Variants in CATSPERE observed in about 807,000 individuals in gnomAD.
CATSPERE encodes cation channel sperm-associated auxiliary subunit epsilon.
In CATSPERE, 93 loss-of-function variants were observed where a neutral mutation model predicts 114.1. The observed-to-expected ratio is 0.81, with a 90% CI of 0.69 to 0.97. CATSPERE has a LOEUF of 0.97. Ranked by LOEUF, CATSPERE falls within the 50% of genes least tolerant of loss-of-function variation. CATSPERE has a pLI of 0.00. For missense variants in CATSPERE, 1,058 were observed against 1,131.6 expected (o/e 0.93, Z 0.93); for synonymous variants, 341 against 384.1 (o/e 0.89, Z 1.31).
At chr1:244,463,716 C>A (rs1256015747) in intron 1 of CATSPERE, among the ~76,000 whole-genome samples, 192 bp from the exon 2 acceptor site, 1 of 151,572 alleles carries the variant, frequency 6.6e-6, no homozygotes, top group Non-Finnish European at 1.5e-5. Context: ...CTGAGCAAAC[C>A]CTAACACATC....
rs186385804 is a variant in CATSPERE at position 244,583,875 on chromosome 1, C to T, written c.2021C>T (p.Thr674Met). 1.6e-5 allele frequency: 26 copies of T among 1,613,582 alleles called. No homozygotes were observed. Among genetic ancestry groups the T allele is most frequent in the Middle Eastern group, 3.3e-4 (2 of 6,058 alleles). ...SDYFETQDKH[T>M]GLVLVQFRPS... ...ATTGTTTCTCCTAGAGACAAGCACACGGGTCTTGTGCTGGTTCAGTTTCGA... is the reference window on the plus strand; with the variant it reads ...ATTGTTTCTCCTAGAGACAAGCACATGGGTCTTGTGCTGGTTCAGTTTCGA... The change falls in exon 13 of 22, where the codon ACG becomes ATG. Residue 674 changes from threonine (T) to methionine (M), a missense_variant. Transcript: ENST00000366534.
At chr1:244,476,072 C>T (rs989747773) in intron 2 of CATSPERE, among the ~76,000 whole-genome samples, 1 of 152,208 alleles carries the variant, frequency 6.6e-6, no homozygotes, top group Admixed American at 6.5e-5. Flanking sequence ...TTGGTTACAA[C>T]TTTCCTTGTA....
At position 244,482,579 on chromosome 1, in the gene CATSPERE, A is replaced by G. The variant is rs185986721; in HGVS notation, c.326+2795A>G. 2.3e-3 allele frequency among the ~76,000 whole-genome samples: 344 copies of G among 152,234 alleles called. 1 individual carries two copies. The highest frequency in any genetic ancestry group is 8.0e-3 in the African/African-American group (334 of 41,538). ...ATTGCGCCACTGCACTCCAGCCTCC[A>G]TGACAGAGTGAGACCCCATCTCTAG... On this transcript the variant is annotated intron_variant, in intron 5 of 21. Coordinates refer to ENST00000366534, the MANE Select transcript of CATSPERE (RefSeq NM_001130957.2).
intron 8 of CATSPERE, among the ~76,000 whole-genome samples, chr1:244,527,356 G>T (rs184897717): frequency 1.3e-5 from 2 of 152,148 alleles, no homozygotes; most frequent in East Asian, 3.8e-4. Context: ...AGAATTCAGC[G>T]ATATTTCTCC....
chr1:244,634,239 T>C (rs1042989190), intron 20 of CATSPERE, among the ~76,000 whole-genome samples: 8 of 152,214 alleles, frequency 5.3e-5, no homozygotes, highest in African/African-American at 1.9e-4. Flanking sequence ...GTTGATATAA[T>C]GGTAGAGTCT....
chr1:244,631,592 C>T (rs560285881), intron 20 of CATSPERE, among the ~76,000 whole-genome samples: 122 of 152,076 alleles, frequency 8.0e-4, no homozygotes, highest in Non-Finnish European at 1.2e-3. Flanking sequence ...ATACAAAGAA[C>T]GCTTACAACT....
At position 244,510,835 on chromosome 1, in the gene CATSPERE, C is replaced by CTTTTTTTTTTTTTTTTTTTTTTTTTTTT. The variant is rs747921082; in HGVS notation, c.430-7732_430-7731insTTTTTTTTTTTTTTTTTTTTTTTTTTTT. Reference sequence around the variant, plus strand: ...TTCTTTTTTTTTTCTTTTTCTTTTTCTTTTTTTTTTTTTTTTTTTTTTTTT... The same window carrying CTTTTTTTTTTTTTTTTTTTTTTTTTTTT: ...TTCTTTTTTTTTTCTTTTTCTTTTTCTTTTTTTTTTTTTTTTTTTTTTTTTTTTTTTTTTTTTTTTTTTTTTTTTTTTT... On this transcript the variant is annotated intron_variant, in intron 7 of 21. Transcript: ENST00000366534. Among the ~76,000 whole-genome samples the CTTTTTTTTTTTTTTTTTTTTTTTTTTTT allele has an allele frequency of 7.4e-4, 36 of 48,330 alleles. 1 individual carries two copies. The highest frequency in any genetic ancestry group is 1.3e-3 in the Admixed American group (4 of 3,062). 31.7% of individuals were successfully genotyped at this position (48,330 alleles called of 152,430 possible).
chr1:244,451,716 G>C (rs1445024807), upstream of CATSPERE: 2 of 1,611,530 alleles, frequency 1.2e-6, no homozygotes, highest in Non-Finnish European at 1.7e-6. The surrounding 1 kb of genome is among the most constrained non-coding windows in gnomAD (Gnocchi z 6.6). Flanking sequence ...ACTGCGCACC[G>C]AGCACCACCG....
intron 8 of CATSPERE, among the ~76,000 whole-genome samples, chr1:244,533,344 C>T (rs1679907478): frequency 6.6e-6 from 1 of 151,966 alleles, no homozygotes; most frequent in African/African-American, 2.4e-5. Flanking sequence ...AGAGTTTAGT[C>T]CATTTACATC....
chr1:244,461,372 A>G lies in CATSPERE; in HGVS notation c.-58A>G. On this transcript the variant is annotated 5_prime_UTR_variant, in exon 1 of 22. The change abolishes an upstream ATG in the 5' untranslated region. Coordinates refer to ENST00000366534, the MANE Select transcript of CATSPERE (RefSeq NM_001130957.2). ...CCCGCCGGGCCGACGTCCCACGGGAATGCGCGAGGCCTGGACGGGAGTGGC... is the reference window on the plus strand; with the variant it reads ...CCCGCCGGGCCGACGTCCCACGGGAGTGCGCGAGGCCTGGACGGGAGTGGC... 2 of 1,284,926 alleles carry G rather than the reference A, an allele frequency of 1.6e-6. No homozygotes were observed. The highest frequency in any genetic ancestry group is 2.0e-6 in the Non-Finnish European group (2 of 1,005,302). 79.6% of individuals were successfully genotyped at this position (1,284,926 alleles called of 1,614,324 possible).
chr1:244,621,188 GATATATTT>G, intron 20 of CATSPERE, among the ~76,000 whole-genome samples: 1 of 13,752 alleles, frequency 7.3e-5, no homozygotes. Context: ...TATTTATATA[GATATATTT>G]ATATAGATAT....
intron 6 of CATSPERE, among the ~76,000 whole-genome samples, chr1:244,491,733 T>C (rs1051131445): frequency 4.6e-5 from 7 of 151,822 alleles, no homozygotes; most frequent in Non-Finnish European, 7.4e-5. Context: ...AAGAATCAAA[T>C]AGATGCAATA....
At position 244,516,782 on chromosome 1, in the gene CATSPERE, G is replaced by A. The variant is rs551592456; in HGVS notation, c.430-1810G>A. 6.6e-5 allele frequency among the ~76,000 whole-genome samples: 10 copies of A among 152,072 alleles called. No homozygotes were observed. In the South Asian group the frequency reaches 1.9e-3, roughly 28 times the overall value. On this transcript the variant is annotated intron_variant, in intron 7 of 21. Transcript: ENST00000366534. ...GGTGATCCACCTACGTTGGCCTCCC[G>A]AAGTGCTGGGATTACAGGCATTGAG...
intron 5 of CATSPERE, among the ~76,000 whole-genome samples, chr1:244,483,860 CTATT>C (rs892855533): frequency 3.3e-5 from 5 of 151,934 alleles, no homozygotes; most frequent in Non-Finnish European, 5.9e-5. Context: ...CTTTTAAAAT[CTATT>C]TAAGAAATCT....
At chr1:244,538,708 C>T (rs186155011) in intron 8 of CATSPERE, among the ~76,000 whole-genome samples, 14 of 152,286 alleles carry the variant, frequency 9.2e-5, no homozygotes, top group South Asian at 2.1e-4. Flanking sequence ...ACAGTTTCCC[C>T]CATGGGGAAA....
At chr1:244,588,425 T>C in intron 13 of CATSPERE, 57 bp from the exon 14 acceptor site, 1 of 1,299,528 alleles carries the variant, frequency 7.7e-7, no homozygotes, top group Non-Finnish European at 1.1e-6. Context: ...AGCTGTAATA[T>C]TTTAGATCAT....
At chr1:244,526,248 A>G (rs1164714438) in intron 8 of CATSPERE, among the ~76,000 whole-genome samples, 1 of 152,050 alleles carries the variant, frequency 6.6e-6, no homozygotes, top group African/African-American at 2.4e-5. Context: ...CTCTATGCAC[A>G]AAATACAAAA....
rs779141469 is a variant in CATSPERE at position 244,572,465 on chromosome 1, G to T, written c.1643G>T (p.Gly548Val). ...GCATTCATTTTCTTAAGTACATCTG[G>T]TCAAACATATTTCCTGTATGCTTTG... is the stretch of plus-strand genomic sequence containing the variant. ...TRAFIFLSTS[G>V]QTYFLYALDD... Residue 548 changes from glycine (G) to valine (V), a missense_variant, in exon 11 of 22, where the codon GGT (glycine) becomes GTT (valine). Coordinates refer to ENST00000366534, the MANE Select transcript of CATSPERE (RefSeq NM_001130957.2). 3 of 1,614,014 alleles carry T rather than the reference G, an allele frequency of 1.9e-6. No homozygotes were observed. Among genetic ancestry groups the T allele is most frequent in the Non-Finnish European group, 2.5e-6 (3 of 1,179,930 alleles).
rs71537358 is a variant in CATSPERE, at chr1:244,621,298, A to G, written c.2648+3612A>G. On this transcript the variant is annotated intron_variant, in intron 20 of 21. Transcript: ENST00000366534. ...ATATCTATATAGATATATCTATATAAATATATAAATATATAAAATATATAT... is the reference window on the plus strand; with the variant it reads ...ATATCTATATAGATATATCTATATAGATATATAAATATATAAAATATATAT... Among the ~76,000 whole-genome samples the G allele has an allele frequency of 2.5e-3, 235 of 92,486 alleles. 18 individuals carry two copies. The highest frequency in any genetic ancestry group is 5.7e-3 in the African/African-American group (106 of 18,654). The allele number at this position is 92,486 out of a possible 152,430, so 60.7% of individuals were successfully genotyped here.
Sources: gnomAD v4.1 joint callset for allele counts (sites outside exome capture counted in the v4.1 genomes callset) on GRCh38, gnomAD v4.1.1 for gene constraint, Gnocchi (gnomAD v3.1) non-coding constraint, MANE v1.5 for transcripts, NCBI Gene and HGNC (gene_info 2026-07-23, HGNC 2026-07-21) for gene names.